The following SETBP1 variants were observed in gnomAD, a reference collection of about 807,000 sequenced individuals.
SETBP1 encodes the protein SET binding protein 1.
A neutral mutation model predicts 101.0 loss-of-function variants in SETBP1; 9 were observed. The observed-to-expected ratio is 0.09, with a 90% CI of 0.05 to 0.16. SETBP1 has a LOEUF of 0.16. Ranked by LOEUF, SETBP1 falls within the 10% of genes least tolerant of loss-of-function variation. SETBP1 has a pLI of 1.00. For synonymous variants in SETBP1, 818 were observed against 788.5 expected, an observed-to-expected ratio of 1.04 and a Z score of -0.63; for missense variants, 1,858 against 2,033.8, an observed-to-expected ratio of 0.91 and a Z score of 1.66.
intron 2 of SETBP1, among the ~76,000 whole-genome samples, chr18:44,709,347 G>T (rs1346029637): frequency 6.6e-6 from 1 of 152,178 alleles, no homozygotes; most frequent in Non-Finnish European, 1.5e-5. Context: ...AATTCTAGAT[G>T]AGGAGTACAG....
intron 2 of SETBP1, among the ~76,000 whole-genome samples, chr18:44,771,337 G>A (rs2070867655): frequency 6.7e-6 from 1 of 149,096 alleles, no homozygotes; most frequent in African/African-American, 2.5e-5. Flanking sequence ...TCTAGATGGT[G>A]CATGGGTGCA....
At chr18:44,953,918 C>T (rs575693222) in intron 4 of SETBP1, among the ~76,000 whole-genome samples, 1 of 152,322 alleles carries the variant, frequency 6.6e-6, no homozygotes, top group East Asian at 1.9e-4. Context: ...ATTTGATAAG[C>T]TGTCCTGGGC....
chr18:44,902,894 A>G (rs1369360951), intron 3 of SETBP1, among the ~76,000 whole-genome samples: 2 of 148,972 alleles, frequency 1.3e-5, no homozygotes, highest in Admixed American at 6.6e-5. Flanking sequence ...TTTACATGTT[A>G]TATATATATA....
intron 4 of SETBP1, among the ~76,000 whole-genome samples, chr18:44,972,610 T>A (rs1486590148): frequency 6.6e-6 from 1 of 152,236 alleles, no homozygotes; most frequent in African/African-American, 2.4e-5. Context: ...TAAGTTGGAT[T>A]CCTAGGTATT....
intron 4 of SETBP1, among the ~76,000 whole-genome samples, chr18:45,009,457 G>A (rs1295643021): frequency 6.6e-6 from 1 of 151,828 alleles, no homozygotes; most frequent in African/African-American, 2.4e-5. Context: ...GTGGCTTTAA[G>A]AGGGTATGGA....
chr18:44,955,320 A>C lies in SETBP1; in HGVS notation c.4000+1980A>C, dbSNP rs73952934. Among the ~76,000 whole-genome samples, 804 of 152,260 alleles carry C rather than the reference A, an allele frequency of 5.3e-3. 3 individuals carry two copies. The highest frequency in any genetic ancestry group is 0.018 in the African/African-American group (755 of 41,534). ...TCTCATCTTCAGCCAGCCACTTGAG[A>C]TGGGAAGAAATAGGTGTCATGACAA... On this transcript the variant is annotated intron_variant, in intron 4 of 5. Transcript: ENST00000649279.
At chr18:44,976,827 G>A (rs2145217436) in intron 4 of SETBP1, among the ~76,000 whole-genome samples, 1 of 152,288 alleles carries the variant, frequency 6.6e-6, no homozygotes, top group Non-Finnish European at 1.5e-5. Context: ...CATAGAAGAT[G>A]CTGAGAACAT....
chr18:44,833,395 G>A (rs2072420503), intron 2 of SETBP1, among the ~76,000 whole-genome samples: 1 of 152,182 alleles, frequency 6.6e-6, no homozygotes, highest in African/African-American at 2.4e-5. Flanking sequence ...GATTTGCTGT[G>A]ACCAGAGGGT....
intron 4 of SETBP1, among the ~76,000 whole-genome samples, chr18:44,968,658 TC>T (rs1161989540): frequency 6.6e-6 from 1 of 152,234 alleles, no homozygotes. Context: ...TTTAAGTAGT[TC>T]CAGACCATCT....
chr18:44,991,646 A>G (rs1015283109), intron 4 of SETBP1, among the ~76,000 whole-genome samples: 6 of 152,214 alleles, frequency 3.9e-5, no homozygotes, highest in African/African-American at 1.4e-4. Flanking sequence ...ACAACTATAT[A>G]AAGTAAAGAT....
intron 2 of SETBP1, among the ~76,000 whole-genome samples, chr18:44,840,106 A>T (rs1323538411): frequency 6.6e-6 from 1 of 151,694 alleles, no homozygotes. Flanking sequence ...TGATTTAGGG[A>T]CAGAGCACCC....
rs770504929 is a variant in SETBP1 at position 44,950,035 on chromosome 18, C to T, written c.695C>T (p.Thr232Ile). ...ACCAACTCTGACAGCGGACCCGTCA[C>T]TCAGAATTGCTTCATCAGTCCAGAG... ...WSTNSDSGPV[T>I]QNCFISPESG... The change falls in exon 4 of 6, where the codon ACT (threonine) becomes ATT (isoleucine). Residue 232 changes from threonine (T) to isoleucine (I), a missense_variant. Physicochemically the swap from Thr to Ile is moderately conservative, Grantham distance 89. Coordinates refer to ENST00000649279, the MANE Select transcript of SETBP1 (RefSeq NM_015559.3). 7 of 1,614,236 alleles carry T rather than the reference C, an allele frequency of 4.3e-6. No individual in the cohort carries two copies. The highest frequency in any genetic ancestry group is 2.7e-5 in the African/African-American group (2 of 75,072).
At chr18:44,780,670 C>T in intron 2 of SETBP1, among the ~76,000 whole-genome samples, 1 of 152,146 alleles carries the variant, frequency 6.6e-6, no homozygotes, top group East Asian at 1.9e-4. Context: ...TGTACTAGAC[C>T]CCAGCCTTAC....
chr18:44,821,728 T>C (rs901860297), intron 2 of SETBP1, among the ~76,000 whole-genome samples: 1 of 152,206 alleles, frequency 6.6e-6, no homozygotes, highest in African/African-American at 2.4e-5. Flanking sequence ...CCTTAATATC[T>C]GTTATTGCAG....
intron 3 of SETBP1, among the ~76,000 whole-genome samples, chr18:44,943,038 A>G (rs1420317381): frequency 1.3e-5 from 2 of 152,314 alleles, no homozygotes; most frequent in Non-Finnish European, 2.9e-5. Context: ...GAATCAAAGA[A>G]TCATAAGATC....
chr18:44,813,588 A>G lies in SETBP1; in HGVS notation c.487-55642A>G, dbSNP rs75194707. The stretch of plus-strand genomic sequence containing the variant: ...ATGAGAAGCTGGAACCAGCTCCCCA[A>G]TTCCATCTAGGCTCTACATTTCTAT... On this transcript the variant is annotated intron_variant, in intron 2 of 5. Transcript: ENST00000649279. Among the ~76,000 whole-genome samples, 723 of 152,282 alleles carry G rather than the reference A, an allele frequency of 4.7e-3. 6 individuals are homozygous for G. The highest frequency in any genetic ancestry group is 0.012 in the African/African-American group (517 of 41,566).
chr18:44,868,663 C>T (rs2069182668), intron 2 of SETBP1, among the ~76,000 whole-genome samples: 2 of 123,568 alleles, frequency 1.6e-5, no homozygotes, highest in South Asian at 5.7e-4. Flanking sequence ...CCACTGTACT[C>T]CAGCGAGAGA....
upstream of SETBP1, chr18:44,680,882 C>G (rs1306182496): frequency 6.7e-6 from 1 of 148,584 alleles, no homozygotes; most frequent in East Asian, 2.0e-4. Context: ...TTTTTTTTCT[C>G]TCTTTGTAAC....
At chr18:44,904,481 A>G (rs186142498) in intron 3 of SETBP1, among the ~76,000 whole-genome samples, 206 of 152,342 alleles carry the variant, frequency 1.4e-3, no homozygotes, top group African/African-American at 4.8e-3. Context: ...AGATGTCAAT[A>G]AAGTTGGTAT....
Sources: allele counts gnomAD v4.1 joint callset (sites outside exome capture counted in the v4.1 genomes callset), GRCh38; gene constraint gnomAD v4.1.1; transcripts MANE v1.5; gene names NCBI Gene and HGNC (gene_info 2026-07-23, HGNC 2026-07-21).